Variants in WDR93 observed in about 807,000 individuals in gnomAD.
WDR93 encodes the protein WD repeat domain 93, also known as WD repeat-containing protein 93.
Under a neutral mutation model 82.9 loss-of-function variants are expected in WDR93, and 73 were observed. The ratio of observed to expected loss-of-function variants is 0.88; its 90% confidence interval spans 0.73 to 1.07. WDR93 has a LOEUF of 1.07. Ranked by LOEUF, WDR93 falls within the 50% of genes least tolerant of loss-of-function variation. The pLI, the probability that WDR93 is intolerant of heterozygous loss-of-function variation, is 0.00. For missense variants in WDR93, 738 were observed against 826.0 expected (o/e 0.89, Z 1.31); for synonymous variants, 283 against 300.1 (o/e 0.94, Z 0.59).
intron 14 of WDR93, 41 bp from the exon 15 acceptor site, chr15:89,737,532 A>G (rs761744589): frequency 1.2e-6 from 2 of 1,612,752 alleles, no homozygotes; most frequent in Admixed American, 1.7e-5. Context: ...TGAGGGACAG[A>G]GTCCAGTAGA....
At chr15:89,721,618 A>G (rs1467015776) in intron 7 of WDR93, among the ~76,000 whole-genome samples, 1 of 152,130 alleles carries the variant, frequency 6.6e-6, no homozygotes, top group East Asian at 1.9e-4. Flanking sequence ...GCCCTTTCTA[A>G]AAAAACTGTT....
At chr15:89,720,364 C>G (rs1966470768) in intron 7 of WDR93, among the ~76,000 whole-genome samples, 1 of 151,968 alleles carries the variant, frequency 6.6e-6, no homozygotes, top group South Asian at 2.1e-4. Flanking sequence ...CCTCTGCCTC[C>G]CGGGTTCAAG....
chr15:89,694,425 T>C (rs2119603), intron 1 of WDR93, among the ~76,000 whole-genome samples: 105,635 of 151,124 alleles, frequency 0.7, 37,597 homozygotes, highest in Non-Finnish European at 0.76. Context: ...TTAGTAGACA[T>C]GGGGTTTCAC....
chr15:89,735,699 G>GA (rs1320124186), intron 14 of WDR93, 146 bp downstream of exon 14: 14 of 774,042 alleles, frequency 1.8e-5, no homozygotes, highest in South Asian at 1.6e-4. Flanking sequence ...AATAGAAAGA[G>GA]AAAGAACCTG....
chr15:89,706,194 G>T (rs1479838460), intron 4 of WDR93, among the ~76,000 whole-genome samples: 3 of 152,150 alleles, frequency 2.0e-5, no homozygotes, highest in Admixed American at 2.0e-4. Flanking sequence ...GAGGGAAGAG[G>T]ACCTGTCTTA....
At position 89,711,997 on chromosome 15, in the gene WDR93, T is replaced by G. The variant is rs778412247; in HGVS notation, c.562-29T>G. 37 of 1,584,104 alleles carry G rather than the reference T, an allele frequency of 2.3e-5. No homozygotes were observed. In the Admixed American group the frequency reaches 6.2e-4, roughly 27 times the overall value. ...ACATTCTCTGTCAGCAGGCTATGCC[T>G]ACTCTATCAACATCTCTTTTGTTTT... is the stretch of plus-strand genomic sequence containing the variant. On this transcript the variant is annotated intron_variant, in intron 4 of 16. Transcript: ENST00000268130.
Position 89,738,217 on chromosome 15 carries a change from G to C in WDR93, c.1942G>C (p.Glu648Gln). Residue 648 changes from glutamate to glutamine, a missense_variant, in exon 16 of 17, where the codon GAG becomes CAG. Transcript: ENST00000268130. ...PQALPLEKRCERFLQKSYRKL... is the reference protein window; with the variant it reads ...PQALPLEKRCQRFLQKSYRKL... The stretch of plus-strand genomic sequence containing the variant: ...AGCACTGCCACTGGAGAAGAGATGT[G>C]AGCGTTTCCTCCAGAAGAGGTAAAG... 6.2e-7 allele frequency: 1 copy of C among 1,611,228 alleles called. No homozygotes were observed. The highest frequency in any genetic ancestry group is 8.5e-7 in the Non-Finnish European group (1 of 1,178,884).
intron 2 of WDR93, 135 bp downstream of exon 2, chr15:89,702,184 C>A (rs1965503174): frequency 9.9e-7 from 1 of 1,013,280 alleles, no homozygotes; most frequent in Non-Finnish European, 1.4e-6. Flanking sequence ...AGATTAGAAG[C>A]ATGCTGATGT....
At chr15:89,735,889 C>T (rs1967127531) in intron 14 of WDR93, among the ~76,000 whole-genome samples, 1 of 152,114 alleles carries the variant, frequency 6.6e-6, no homozygotes, top group Non-Finnish European at 1.5e-5. Context: ...GAGGAGGTGA[C>T]AGCTGAGCTG....
Position 89,737,705 on chromosome 15 carries a change from G to A in WDR93, c.1741G>A (p.Asp581Asn). Residue 581 changes from aspartate (D) to asparagine (N), a missense_variant, in exon 15 of 17, where the codon GAC becomes AAC. Physicochemically the swap from Asp to Asn is conservative, Grantham distance 23. Transcript: ENST00000268130. ...PWKPVFAVSPDHPCFLLRGDY... is the reference protein window; with the variant it reads ...PWKPVFAVSPNHPCFLLRGDY... ...GAAGCCAGTGTTTGCTGTGTCTCCA[G>A]ACCATCCATGTTTCCTGCTCCGAGG... 6.2e-7 allele frequency: 1 copy of A among 1,614,154 alleles called. No homozygotes were observed. Among genetic ancestry groups the A allele is most frequent in the Non-Finnish European group, 8.5e-7 (1 of 1,180,034 alleles).
chr15:89,702,663 C>G (rs569954550), intron 2 of WDR93, among the ~76,000 whole-genome samples: 12 of 151,968 alleles, frequency 7.9e-5, no homozygotes, highest in Non-Finnish European at 1.8e-4. Flanking sequence ...CTCAGCCTCC[C>G]AAGTAGCTGG....
rs199937860 is a variant in WDR93 at position 89,699,589 on chromosome 15, TTA to T, written c.-40-2116_-40-2115del. Among the ~76,000 whole-genome samples, 1,506 of 151,366 alleles carry T rather than the reference TTA, an allele frequency of 9.9e-3. 26 individuals carry two copies. The highest frequency in any genetic ancestry group is 0.034 in the African/African-American group (1,409 of 41,344). Reference sequence around the variant, plus strand: ...CTCTTCTGGGGATTTCAGTCACTCTTTATTAGGCCACTTCAAATGATCTCACA... The same window carrying T: ...CTCTTCTGGGGATTTCAGTCACTCTTTTAGGCCACTTCAAATGATCTCACA... On this transcript the variant is annotated intron_variant, in intron 1 of 16. Coordinates refer to ENST00000268130, the MANE Select transcript of WDR93 (RefSeq NM_020212.2).
At chr15:89,740,563 G>A (rs998898769) in intron 16 of WDR93, among the ~76,000 whole-genome samples, 15 of 152,216 alleles carry the variant, frequency 9.9e-5, no homozygotes, top group Non-Finnish European at 2.2e-4. Flanking sequence ...GTGCACTGGC[G>A]CGATCTCGGC....
chr15:89,707,600 AAAC>A lies in WDR93; in HGVS notation c.561+1988_561+1990del, dbSNP rs1213900497. 8.3e-5 allele frequency among the ~76,000 whole-genome samples: 12 copies of A among 145,410 alleles called. No individual in the cohort carries two copies. In the East Asian group the frequency reaches 2.1e-3, roughly 26 times the overall value. ...GACACACACACACAAATAAAAAATAAAACAACAAAGAAAAAAAGGAAAATAAAA... is the reference window on the plus strand; with the variant it reads ...GACACACACACACAAATAAAAAATAAAACAAAGAAAAAAAGGAAAATAAAA... On this transcript the variant is annotated intron_variant, in intron 4 of 16. Transcript: ENST00000268130.
intron 8 of WDR93, among the ~76,000 whole-genome samples, chr15:89,726,249 C>T (rs938658451): frequency 5.3e-5 from 8 of 152,168 alleles, no homozygotes; most frequent in Admixed American, 3.3e-4. Context: ...AGAACACAAC[C>T]CCCATCTCAA....
chr15:89,739,253 ATTTG>A (rs961040020), intron 16 of WDR93, among the ~76,000 whole-genome samples: 1 of 152,092 alleles, frequency 6.6e-6, no homozygotes, highest in African/African-American at 2.4e-5. Context: ...AGCCGTGCCC[ATTTG>A]TTTATGTATT....
At position 89,714,991 on chromosome 15, in the gene WDR93, A is replaced by G. The variant is rs746365790; in HGVS notation, c.652A>G (p.Ile218Val). The G allele has an allele frequency of 2.5e-6, 4 of 1,613,702 alleles. No individual in the cohort carries two copies. Among genetic ancestry groups the G allele is most frequent in the Non-Finnish European group, 3.4e-6 (4 of 1,179,802 alleles). Residue 218 changes from isoleucine to valine, a missense_variant, in exon 6 of 17, where the codon ATT becomes GTT. Physicochemically the swap from Ile to Val is conservative, Grantham distance 29 (BLOSUM62 3). Transcript: ENST00000268130. ...GTTTCCCAATGCAGGAGCCGGAGAT[A>G]TTTGGCTGGATGTGTATAAATTGCC... The part of the protein sequence containing the change: ...AAFLLQGAGD[I>V]WLDVYKLPKE...
intron 12 of WDR93, among the ~76,000 whole-genome samples, chr15:89,731,763 T>G (rs1269192938): frequency 6.6e-6 from 1 of 152,232 alleles, no homozygotes; most frequent in Non-Finnish European, 1.5e-5. Flanking sequence ...TGCTTCCCAC[T>G]GCCCATGTGT....
chr15:89,696,601 C>G (rs1746202264), intron 1 of WDR93, among the ~76,000 whole-genome samples: 1 of 151,926 alleles, frequency 6.6e-6, no homozygotes, highest in African/African-American at 2.4e-5. Flanking sequence ...CTAAAGCAAT[C>G]CTCCCACCTC....
Sources: allele counts gnomAD v4.1 joint callset (sites outside exome capture counted in the v4.1 genomes callset), GRCh38; gene constraint gnomAD v4.1.1; transcripts MANE v1.5; gene names NCBI Gene and HGNC (gene_info 2026-07-23, HGNC 2026-07-21).